The following TDRD10 variants were observed in gnomAD, a reference collection of about 807,000 sequenced individuals.
TDRD10 encodes the protein tudor domain containing 10.
TDRD10 carries 40 observed loss-of-function variants against 48.0 expected under a neutral mutation model. The observed-to-expected ratio is 0.83, with a 90% CI of 0.65 to 1.09. The LOEUF (loss-of-function observed/expected upper bound fraction) is 1.09. Ranked by LOEUF, TDRD10 falls within the 50% of genes least tolerant of loss-of-function variation. The pLI, the probability that TDRD10 is intolerant of heterozygous loss-of-function variation, is 0.00. For synonymous variants in TDRD10, 162 were observed against 170.4 expected, an observed-to-expected ratio of 0.95 and a Z score of 0.38; for missense variants, 378 against 434.7, an observed-to-expected ratio of 0.87 and a Z score of 1.16.
intron 6 of TDRD10, among the ~76,000 whole-genome samples, chr1:154,538,549 T>TAAAA (rs1200934290): frequency 8.0e-5 from 2 of 25,028 alleles, no homozygotes; most frequent in Non-Finnish European, 9.0e-5. Context: ...AAACTCTATC[T>TAAAA]CAAAAAAAAA....
chr1:154,520,434 T>G (rs1693997531), intron 5 of TDRD10, 60 bp downstream of exon 5: 2 of 1,381,772 alleles, frequency 1.4e-6, no homozygotes, highest in African/African-American at 1.4e-5. Context: ...CCTGTCCATT[T>G]TGCTGATGCA....
At chr1:154,547,300 T>C in intron 11 of TDRD10, 109 bp from the exon 12 acceptor site, 2 of 1,110,008 alleles carry the variant, frequency 1.8e-6, no homozygotes, top group Non-Finnish European at 2.7e-6. Flanking sequence ...TTGGAGCTGG[T>C]TGGCGGCCAG....
At chr1:154,513,846 C>G (rs1693608581) in intron 4 of TDRD10, among the ~76,000 whole-genome samples, 1 of 152,164 alleles carries the variant, frequency 6.6e-6, no homozygotes, top group South Asian at 2.1e-4. Context: ...TAGAACAATT[C>G]AGTCACGGAA....
Position 154,522,028 on chromosome 1 carries a change from C to T in TDRD10, c.369+549C>T, listed in dbSNP as rs570756191. On this transcript the variant is annotated intron_variant, in intron 6 of 12. Transcript: ENST00000368482. ...CCATTCTCCGTATGCAGAGGTGAAC[C>T]AGGAGAAAAAGATCCCATTCCAGAG... is the stretch of plus-strand genomic sequence containing the variant. 3.3e-5 allele frequency among the ~76,000 whole-genome samples: 5 copies of T among 152,300 alleles called. No homozygotes were observed. The East Asian group carries it at 9.6e-4, about 29-fold the overall frequency.
intron 4 of TDRD10, among the ~76,000 whole-genome samples, chr1:154,516,684 C>T (rs1557818142): frequency 1.3e-5 from 2 of 152,138 alleles, no homozygotes; most frequent in African/African-American, 4.8e-5. Context: ...CGGTAGCTCA[C>T]GCCTGTCATC....
chr1:154,509,770 C>T lies in TDRD10; in HGVS notation c.141+1289C>T, dbSNP rs1379145175. ...CACCTGATAGACGAGCCTACTAGGG[C>T]TGGTTTTCCTCCCCCATTTTGGCAG... is the stretch of plus-strand genomic sequence containing the variant. On this transcript the variant is annotated intron_variant, in intron 4 of 12. Coordinates refer to ENST00000368482, the MANE Select transcript of TDRD10 (RefSeq NM_182499.4). 4.1e-6 allele frequency: 4 copies of T among 984,050 alleles called. No individual in the cohort carries two copies. In the East Asian group the frequency reaches 3.4e-4, roughly 84 times the overall value. The allele number at this position is 984,050 out of a possible 1,614,324, so 61.0% of individuals were successfully genotyped here. A position where few individuals can be genotyped will look rare whatever the true frequency, so the allele number is the denominator to read the frequency against.
intron 6 of TDRD10, among the ~76,000 whole-genome samples, chr1:154,532,638 A>AT (rs1694697568): frequency 6.6e-6 from 1 of 151,882 alleles, no homozygotes; most frequent in Non-Finnish European, 1.5e-5. Flanking sequence ...GTCGCCTCTC[A>AT]TTTTTTTCAT....
chr1:154,530,680 T>G (rs1454410095), intron 6 of TDRD10, among the ~76,000 whole-genome samples: 2 of 152,112 alleles, frequency 1.3e-5, no homozygotes, highest in Non-Finnish European at 2.9e-5. Context: ...TTTGTATTTT[T>G]ACTGTTGTGG....
chr1:154,521,177 C>A, intron 5 of TDRD10, 146 bp from the exon 6 acceptor site: 1 of 781,408 alleles, frequency 1.3e-6, no homozygotes, highest in Non-Finnish European at 2.1e-6. Flanking sequence ...TCTGGACATA[C>A]TTGTAGCTTG....
At chr1:154,521,255 G>T (rs1211398085) in intron 5 of TDRD10, 68 bp from the exon 6 acceptor site, 2 of 1,537,790 alleles carry the variant, frequency 1.3e-6, no homozygotes, top group East Asian at 4.5e-5. Flanking sequence ...TGGGCTTGGT[G>T]CCTCCCTGCA....
chr1:154,547,777 CT>C lies in TDRD10; in HGVS notation c.*68del. On this transcript the variant is annotated 3_prime_UTR_variant, in exon 13 of 13. Transcript: ENST00000368482. Reference sequence around the variant, plus strand: ...ATCCAGAGGCCACCTGCCCTGTCTTCTCGTACCCCTTTCACTCTTGAGGCCT... The same window carrying C: ...ATCCAGAGGCCACCTGCCCTGTCTTCCGTACCCCTTTCACTCTTGAGGCCT... The C allele has an allele frequency of 6.3e-7, 1 of 1,586,604 alleles. No individual in the cohort carries two copies.
chr1:154,520,245 T>G, intron 4 of TDRD10, 59 bp from the exon 5 acceptor site: 147 of 1,263,204 alleles, frequency 1.2e-4, no homozygotes, highest in Non-Finnish European at 1.6e-4. Context: ...TCTGAAACCT[T>G]GAGAAGTGGT....
At chr1:154,529,566 A>G (rs749432486) in intron 6 of TDRD10, among the ~76,000 whole-genome samples, 2 of 138,746 alleles carry the variant, frequency 1.4e-5, no homozygotes, top group African/African-American at 5.4e-5. Context: ...TTTTTTTGAG[A>G]CGGAGTTTTG....
At chr1:154,528,270 TG>T (rs57375423) in intron 6 of TDRD10, among the ~76,000 whole-genome samples, 118,755 of 151,168 alleles carry the variant, frequency 0.79, 47,373 homozygotes, top group East Asian at 0.92. Context: ...TTGCCCAGGC[TG>T]GGAGTGCAGT....
At position 154,545,042 on chromosome 1, in the gene TDRD10, G is replaced by A. The variant is rs532416947; in HGVS notation, c.952+93G>A. The A allele has an allele frequency of 3.8e-5, 57 of 1,505,302 alleles. No individual in the cohort carries two copies. The South Asian group carries it at 6.0e-4, about 16-fold the overall frequency. The allele number at this position is 1,505,302 out of a possible 1,614,324, so 93.2% of individuals were successfully genotyped here. ...CTGAACAGGAAGCAGCATAGTGGGC[G>A]GCCAAGGTGCTTCAGTCTCTCTTTC... is the stretch of plus-strand genomic sequence containing the variant. On this transcript the variant is annotated intron_variant, in intron 11 of 12. Transcript: ENST00000368482.
intron 6 of TDRD10, among the ~76,000 whole-genome samples, chr1:154,527,559 G>A (rs1388709485): frequency 1.3e-5 from 2 of 152,138 alleles, no homozygotes; most frequent in African/African-American, 2.4e-5. Flanking sequence ...ATATCTTTAC[G>A]ATCTCAGTGA....
intron 8 of TDRD10, among the ~76,000 whole-genome samples, chr1:154,543,219 G>C (rs1254597633): frequency 6.6e-6 from 1 of 152,162 alleles, no homozygotes; most frequent in Non-Finnish European, 1.5e-5. Flanking sequence ...AGGTTGCAGT[G>C]AGCCGAGATT....
chr1:154,502,527 G>C lies in TDRD10; in HGVS notation c.-530G>C, dbSNP rs2149304084. The C allele has an allele frequency of 6.6e-6, 1 of 152,346 alleles. No individual in the cohort carries two copies. Among genetic ancestry groups the C allele is most frequent in the African/African-American group, 2.4e-5 (1 of 41,570 alleles). The allele number at this position is 152,346 out of a possible 1,614,324, so 9.4% of individuals were successfully genotyped here. ...CTGGGGGCGGCGGGGTGAGCGCCAT[G>C]GCAGAGGCGGGTCGGGCTGCGAGCT... On this transcript the variant is annotated 5_prime_UTR_variant, in exon 1 of 13. An upstream start codon of the reference 5' UTR is lost. Coordinates refer to ENST00000368482, the MANE Select transcript of TDRD10 (RefSeq NM_182499.4).
intron 4 of TDRD10, among the ~76,000 whole-genome samples, chr1:154,508,929 C>T (rs952823205): frequency 2.0e-4 from 30 of 152,100 alleles, no homozygotes; most frequent in African/African-American, 6.3e-4. Context: ...TGTAAGCAAT[C>T]GTATTTTTGA....
Sources: gnomAD v4.1 joint callset for allele counts (sites outside exome capture counted in the v4.1 genomes callset) on GRCh38, gnomAD v4.1.1 for gene constraint, MANE v1.5 for transcripts, NCBI Gene and HGNC (gene_info 2026-07-23, HGNC 2026-07-21) for gene names.